OSBPL1A: variants seen among roughly 807,000 people sequenced by gnomAD.
OSBPL1A encodes the protein oxysterol binding protein like 1A.
In OSBPL1A, 80 loss-of-function variants were observed where a neutral mutation model predicts 137.1. The observed-to-expected ratio is 0.58, with a 90% CI of 0.49 to 0.70. The LOEUF is 0.70. Among genes scored for constraint, OSBPL1A ranks in the 30% least tolerant of loss-of-function variants. The pLI is 0.00. For missense variants in OSBPL1A, 970 were observed against 1,129.4 expected, an observed-to-expected ratio of 0.86 and a Z score of 2.02; for synonymous variants, 365 against 389.7, an observed-to-expected ratio of 0.94 and a Z score of 0.75.
intron 1 of OSBPL1A, 45 bp from the exon 2 acceptor site, chr18:24,377,580 T>G: frequency 6.6e-7 from 1 of 1,523,260 alleles, no homozygotes; most frequent in East Asian, 2.4e-5. Flanking sequence ...AAGAACATAA[T>G]TAGCTTTTAG....
chr18:24,212,640 T>C (rs923774379), intron 17 of OSBPL1A, among the ~76,000 whole-genome samples: 9 of 152,130 alleles, frequency 5.9e-5, no homozygotes, highest in African/African-American at 2.2e-4. Context: ...ACAATGAAAA[T>C]GATGCCCTCA....
chr18:24,281,364 G>A (rs939932720), intron 14 of OSBPL1A, among the ~76,000 whole-genome samples: 1 of 151,208 alleles, frequency 6.6e-6, no homozygotes, highest in East Asian at 2.0e-4. Context: ...GATTACAGGC[G>A]TGAGTCACCG....
chr18:24,353,598 G>T (rs919308430), intron 4 of OSBPL1A, among the ~76,000 whole-genome samples: 3 of 151,346 alleles, frequency 2.0e-5, no homozygotes, highest in Admixed American at 1.3e-4. Flanking sequence ...AAATCATGCT[G>T]CTATAAAGAC....
chr18:24,175,081 C>G (rs1194672102), intron 21 of OSBPL1A, among the ~76,000 whole-genome samples: 3 of 130,112 alleles, frequency 2.3e-5, no homozygotes, highest in African/African-American at 1.0e-4. Context: ...AATCAGCTGA[C>G]TTCATGTGCT....
intron 17 of OSBPL1A, among the ~76,000 whole-genome samples, chr18:24,213,312 AATC>A (rs1305711308): frequency 6.6e-6 from 1 of 152,224 alleles, no homozygotes; most frequent in Non-Finnish European, 1.5e-5. Flanking sequence ...TCACGCCTGT[AATC>A]CTAGCACTTT....
rs569506626 is a variant in OSBPL1A at position 24,209,212 on chromosome 18, A to C, written c.1602-13012T>G. Among the ~76,000 whole-genome samples the C allele has an allele frequency of 3.3e-5, 5 of 152,384 alleles. No individual in the cohort carries two copies. In the South Asian group the frequency reaches 1.0e-3, roughly 32 times the overall value. On this transcript the variant is annotated intron_variant, in intron 17 of 27. Coordinates refer to ENST00000319481, the MANE Select transcript of OSBPL1A (RefSeq NM_080597.4). ...GATAGAGGATTAGTATCCAGAATAC[A>C]TAAAGAATTACTACAAATCAATAAT...
chr18:24,337,439 T>C (rs996048607), intron 5 of OSBPL1A, among the ~76,000 whole-genome samples: 1 of 94,752 alleles, frequency 1.1e-5, no homozygotes, highest in Admixed American at 9.2e-5. Context: ...GGCATGGTGG[T>C]GCATGCCTAT....
intron 13 of OSBPL1A, among the ~76,000 whole-genome samples, chr18:24,307,143 C>G (rs1342994888): frequency 6.6e-6 from 1 of 151,764 alleles, no homozygotes; most frequent in Non-Finnish European, 1.5e-5. Context: ...ATTACCCAGG[C>G]TTGGTGGCAC....
chr18:24,167,117 TC>T (rs1452858363), intron 25 of OSBPL1A, among the ~76,000 whole-genome samples: 1 of 152,060 alleles, frequency 6.6e-6, no homozygotes, highest in East Asian at 1.9e-4. Context: ...ACCCAACACA[TC>T]CTCCCAGCCA....
intron 1 of OSBPL1A, among the ~76,000 whole-genome samples, chr18:24,385,032 G>A (rs1296769724): frequency 4.0e-5 from 6 of 149,894 alleles, no homozygotes; most frequent in East Asian, 2.0e-4. Context: ...TCGACTCACT[G>A]CAAGCTCCGC....
At chr18:24,213,689 C>T (rs2087610444) in intron 17 of OSBPL1A, among the ~76,000 whole-genome samples, 1 of 151,952 alleles carries the variant, frequency 6.6e-6, no homozygotes, top group Admixed American at 6.6e-5. Context: ...TATCTATAGT[C>T]TATGATTGCC....
At chr18:24,174,320 T>G (rs2086369318) in intron 21 of OSBPL1A, among the ~76,000 whole-genome samples, 1 of 152,192 alleles carries the variant, frequency 6.6e-6, no homozygotes, top group Non-Finnish European at 1.5e-5. Context: ...TTCTCCAGGG[T>G]GGCTCTACCA....
intron 26 of OSBPL1A, 39 bp from the exon 27 acceptor site, chr18:24,165,194 C>T (rs1029838734): frequency 6.6e-7 from 1 of 1,512,858 alleles, no homozygotes; most frequent in South Asian, 1.1e-5. Context: ...TAACACTCTA[C>T]ACAGAGGATG....
At chr18:24,396,392 C>T (rs1187134514) in intron 1 of OSBPL1A, among the ~76,000 whole-genome samples, 1 of 152,142 alleles carries the variant, frequency 6.6e-6, no homozygotes, top group African/African-American at 2.4e-5. Flanking sequence ...TTTTCATAAA[C>T]AACCTTCACA....
At chr18:24,293,104 CAAAAAAAAAAAA>C (rs1172730345) in intron 14 of OSBPL1A, among the ~76,000 whole-genome samples, 1 of 66,386 alleles carries the variant, frequency 1.5e-5, no homozygotes, top group Admixed American at 2.2e-4. Flanking sequence ...ACTCCCGTCT[CAAAAAAAAAAAA>C]AAAAAAAAAA....
chr18:24,243,015 A>G (rs1485920977), intron 15 of OSBPL1A, among the ~76,000 whole-genome samples: 1 of 152,184 alleles, frequency 6.6e-6, no homozygotes, highest in Non-Finnish European at 1.5e-5. Context: ...AGGCGGGCAG[A>G]TCACTTGACT....
intron 4 of OSBPL1A, among the ~76,000 whole-genome samples, chr18:24,354,144 A>AC (rs1318595114): frequency 6.6e-6 from 1 of 152,072 alleles, no homozygotes; most frequent in African/African-American, 2.4e-5. Context: ...TAAAAAAAAA[A>AC]CTCAAGTTAA....
At chr18:24,386,436 C>T (rs1906967517) in intron 1 of OSBPL1A, among the ~76,000 whole-genome samples, 1 of 152,196 alleles carries the variant, frequency 6.6e-6, no homozygotes, top group Non-Finnish European at 1.5e-5. Flanking sequence ...ATTGACATTA[C>T]ATGCATCAGA....
chr18:24,287,236 C>T (rs186081678), intron 14 of OSBPL1A, among the ~76,000 whole-genome samples: 16 of 152,226 alleles, frequency 1.1e-4, no homozygotes, highest in African/African-American at 3.9e-4. Context: ...TTGAATTGTC[C>T]AATGGGTTCC....
Sources: allele counts gnomAD v4.1 joint callset (sites outside exome capture counted in the v4.1 genomes callset), GRCh38; gene constraint gnomAD v4.1.1; transcripts MANE v1.5; gene names NCBI Gene and HGNC (gene_info 2026-07-23, HGNC 2026-07-21).